SOCS7: variants seen among roughly 807,000 people sequenced by gnomAD.
SOCS7 encodes the protein NAP-4.
A neutral mutation model predicts 58.9 loss-of-function variants in SOCS7; 18 were observed. The observed-to-expected ratio is 0.31, with a 90% CI of 0.21 to 0.45. The LOEUF (loss-of-function observed/expected upper bound fraction) is 0.45. Among genes scored for constraint, SOCS7 ranks in the 20% least tolerant of loss-of-function variants. The probability of loss-of-function intolerance (pLI) is 1.00; values close to 1 mark genes in which losing one functional copy is unlikely to be tolerated. For missense variants in SOCS7, 667 were observed against 837.3 expected (o/e 0.80, Z 2.51); for synonymous variants, 388 against 364.3 (o/e 1.06, Z -0.74).
At chr17:38,365,572 A>C (rs995333954) in intron 4 of SOCS7, 163 bp downstream of exon 4, 6 of 468,038 alleles carry the variant, frequency 1.3e-5, no homozygotes, top group Non-Finnish European at 2.2e-5. Context: ...TGAGGCGGAG[A>C]ACTGGTTTTC....
At chr17:38,370,459 C>A (rs1225120605) in intron 6 of SOCS7, among the ~76,000 whole-genome samples, 3 of 152,044 alleles carry the variant, frequency 2.0e-5, no homozygotes, top group African/African-American at 7.2e-5. Flanking sequence ...CCTATCTCAG[C>A]CTTGCTAGTA....
In SOCS7 at chr17:38,352,399, C is replaced by G. The variant is rs780698765; in HGVS notation, c.347C>G (p.Pro116Arg). 20 of 1,439,296 alleles carry G rather than the reference C, an allele frequency of 1.4e-5. No homozygotes were observed. The highest frequency in any genetic ancestry group is 1.5e-5 in the Non-Finnish European group (17 of 1,105,694). The allele number at this position is 1,439,296 out of a possible 1,614,324, so 89.2% of individuals were successfully genotyped here. A position where few individuals can be genotyped will look rare whatever the true frequency, so the allele number is the denominator to read the frequency against. ...TTGGCGCTCGAGCGGACCTGGGGCC[C>G]GGCGGCTGGACTAGAGGCGCAGTTG... ...PGLALERTWG[P>R]AAGLEAQLAA... is the part of the protein sequence containing the mutation. Residue 116 changes from proline (P) to arginine (R), a missense_variant, in exon 1 of 10, where the codon CCG becomes CGG. Pro to Arg is a moderately radical substitution (Grantham distance 103). Coordinates refer to ENST00000612932, the MANE Select transcript of SOCS7 (RefSeq NM_014598.4). The surrounding 1 kb of genome is among the most constrained non-coding windows in gnomAD (Gnocchi z 5.5).
intron 4 of SOCS7, 164 bp downstream of exon 4, chr17:38,365,573 A>G (rs1306339402): frequency 2.1e-6 from 1 of 467,218 alleles, no homozygotes; most frequent in Non-Finnish European, 3.7e-6. Context: ...GAGGCGGAGA[A>G]CTGGTTTTCC....
intron 7 of SOCS7, among the ~76,000 whole-genome samples, chr17:38,388,305 G>A (rs534990959): frequency 2.0e-4 from 30 of 151,878 alleles, no homozygotes; most frequent in Admixed American, 1.8e-3. Context: ...GAGCCTAGGG[G>A]TTCAAGTCCA....
At chr17:38,386,309 G>C in intron 7 of SOCS7, among the ~76,000 whole-genome samples, 1 of 140,950 alleles carries the variant, frequency 7.1e-6, no homozygotes. Flanking sequence ...GGGCAAAAGA[G>C]GGAGGCTGTG....
intron 6 of SOCS7, among the ~76,000 whole-genome samples, chr17:38,374,640 C>CA (rs1427396258): frequency 1.3e-5 from 2 of 151,750 alleles, no homozygotes; most frequent in African/African-American, 2.4e-5. Context: ...AGAGATATGG[C>CA]AAAAAAAGAA....
chr17:38,390,104 G>A (rs1785282537), intron 7 of SOCS7, among the ~76,000 whole-genome samples: 1 of 150,410 alleles, frequency 6.6e-6, no homozygotes, highest in African/African-American at 2.4e-5. Flanking sequence ...TTTGTGTATG[G>A]CATGAGAAAG....
intron 7 of SOCS7, 92 bp from the exon 8 acceptor site, chr17:38,395,217 C>A: frequency 7.4e-7 from 1 of 1,357,346 alleles, no homozygotes; most frequent in Non-Finnish European, 1.0e-6. Context: ...TAAAGAAGTC[C>A]CATTTCCCCT....
chr17:38,395,506 T>C (rs2038233743), intron 8 of SOCS7, 62 bp downstream of exon 8: 4 of 1,533,136 alleles, frequency 2.6e-6, no homozygotes, highest in African/African-American at 1.4e-5. Context: ...GAGGTAACAA[T>C]GTCAGTGAGG....
At chr17:38,363,601 T>C (rs915802437) in intron 2 of SOCS7, among the ~76,000 whole-genome samples, 7 of 152,120 alleles carry the variant, frequency 4.6e-5, no homozygotes, top group Non-Finnish European at 1.0e-4. Flanking sequence ...TCCCAAAGTG[T>C]TGGAATTACA....
chr17:38,365,947 G>T (rs969513058), intron 4 of SOCS7: 20 of 1,064,488 alleles, frequency 1.9e-5, no homozygotes, highest in Non-Finnish European at 2.0e-5. Flanking sequence ...TATTTCCAAG[G>T]CTGCCTTATC....
Position 38,351,930 on chromosome 17 carries a change from G to C in SOCS7, c.-123G>C, listed in dbSNP as rs997926180. Reference sequence around the variant, plus strand: ...GCCCCCCGCCCCCCTCTATGAGGCAGAGGCCGCGGCGGCCGTTAGCGCTGT... The same window carrying C: ...GCCCCCCGCCCCCCTCTATGAGGCACAGGCCGCGGCGGCCGTTAGCGCTGT... On this transcript the variant is annotated 5_prime_UTR_variant, in exon 1 of 10. Transcript: ENST00000612932. 6.6e-6 allele frequency among the ~76,000 whole-genome samples: 1 copy of C among 151,514 alleles called. No individual in the cohort carries two copies. The highest frequency in any genetic ancestry group is 1.5e-5 in the Non-Finnish European group (1 of 67,844).
intron 1 of SOCS7, among the ~76,000 whole-genome samples, chr17:38,360,613 C>G (rs1053743924): frequency 3.9e-5 from 6 of 152,096 alleles, no homozygotes; most frequent in African/African-American, 1.2e-4. Context: ...GATCTTGGCT[C>G]ACTGCAAGCT....
intron 3 of SOCS7, 74 bp downstream of exon 3, chr17:38,364,930 GC>G: frequency 8.9e-7 from 1 of 1,121,580 alleles, no homozygotes; most frequent in Non-Finnish European, 1.3e-6. Flanking sequence ...TTTGCTGGGG[GC>G]CGACCACGCT....
At chr17:38,367,141 T>C (rs1027828415) in intron 5 of SOCS7, among the ~76,000 whole-genome samples, 1 of 152,190 alleles carries the variant, frequency 6.6e-6, no homozygotes, top group African/African-American at 2.4e-5. Flanking sequence ...CTCGGCTTAC[T>C]GAAAACTCCG....
At chr17:38,395,789 ACTT>A in intron 8 of SOCS7, 56 bp from the exon 9 acceptor site, 1 of 1,537,224 alleles carries the variant, frequency 6.5e-7, no homozygotes, top group African/African-American at 1.4e-5. Flanking sequence ...CAAAGGAGTT[ACTT>A]CTTTTATATT....
intron 7 of SOCS7, 89 bp downstream of exon 7, chr17:38,377,931 G>T (rs780704913): frequency 1.1e-5 from 15 of 1,338,408 alleles, no homozygotes; most frequent in Non-Finnish European, 1.5e-5. Flanking sequence ...AAAGGCCATG[G>T]TTAAGCTTTT....
At chr17:38,377,914 C>A in intron 7 of SOCS7, 72 bp downstream of exon 7, 1 of 1,473,120 alleles carries the variant, frequency 6.8e-7, no homozygotes, top group Non-Finnish European at 9.3e-7. Context: ...AAAACACCAT[C>A]CCCACAAAAG....
At chr17:38,397,123 T>C (rs1453247328) in intron 9 of SOCS7, among the ~76,000 whole-genome samples, 1 of 152,116 alleles carries the variant, frequency 6.6e-6, no homozygotes, top group African/African-American at 2.4e-5. Flanking sequence ...ATTGGAGAGC[T>C]CAAACTTCAT....
Sources: gnomAD v4.1 joint callset for allele counts (sites outside exome capture counted in the v4.1 genomes callset) on GRCh38, gnomAD v4.1.1 for gene constraint, Gnocchi (gnomAD v3.1) non-coding constraint, MANE v1.5 for transcripts, NCBI Gene and HGNC (gene_info 2026-07-23, HGNC 2026-07-21) for gene names.